The following ANKS1B variants were observed in gnomAD, a reference collection of about 807,000 sequenced individuals.
The protein encoded by ANKS1B is ankyrin repeat and sterile alpha motif domain containing 1B, also known as ankyrin repeat and sterile alpha motif domain-containing protein 1B.
A neutral mutation model predicts 148.3 loss-of-function variants in ANKS1B; 36 were observed. That is an observed-to-expected ratio of 0.24 (90% CI 0.19 to 0.32). ANKS1B has a LOEUF of 0.32. Among genes scored for constraint, ANKS1B ranks in the 10% least tolerant of loss-of-function variants. The pLI is 1.00. For synonymous variants in ANKS1B, 542 were observed against 560.8 expected (o/e 0.97, Z 0.47); for missense variants, 1,157 against 1,542.6 (o/e 0.75, Z 4.19).
At chr12:99,899,786 T>C (rs2093521300) in intron 1 of ANKS1B, among the ~76,000 whole-genome samples, 5 of 152,196 alleles carry the variant, frequency 3.3e-5, no homozygotes, top group Non-Finnish European at 5.9e-5. Context: ...AATAATGCCC[T>C]TGTTATTTAT....
At chr12:98,928,837 T>C (rs2099811210) in intron 17 of ANKS1B, among the ~76,000 whole-genome samples, 1 of 151,918 alleles carries the variant, frequency 6.6e-6, no homozygotes, top group South Asian at 2.1e-4. Context: ...ACGGCTAAAA[T>C]AATACTTAAT....
At chr12:99,323,881 C>T (rs982003296) in intron 12 of ANKS1B, among the ~76,000 whole-genome samples, 1 of 152,158 alleles carries the variant, frequency 6.6e-6, no homozygotes, top group Admixed American at 6.5e-5. Context: ...TCTCATCTTG[C>T]TTCACTTTCA....
intron 1 of ANKS1B, among the ~76,000 whole-genome samples, chr12:99,891,505 C>A (rs1030451307): frequency 6.6e-6 from 1 of 152,098 alleles, no homozygotes; most frequent in African/African-American, 2.4e-5. Flanking sequence ...CAGGTGTGAG[C>A]CACCATGCCC....
At chr12:99,004,781 CA>C (rs1379578946) in intron 17 of ANKS1B, among the ~76,000 whole-genome samples, 2 of 135,846 alleles carry the variant, frequency 1.5e-5, no homozygotes, top group Admixed American at 7.1e-5. Context: ...ACTAAATAAA[CA>C]TTTTTTTTTT....
rs1261200622 is a variant in ANKS1B at position 98,829,315 on chromosome 12, T to G, written c.2925A>C (p.Pro975=). 1 of 1,613,896 alleles carries G rather than the reference T, an allele frequency of 6.2e-7. No homozygotes were observed. The highest frequency in any genetic ancestry group is 8.5e-7 in the Non-Finnish European group (1 of 1,179,874). Residue 975 remains proline, a synonymous_variant, in exon 19 of 27, where the codon CCA becomes CCC. Transcript: ENST00000683438. The surrounding 1 kb of genome is among the most constrained non-coding windows in gnomAD (Gnocchi z 5.2). ...SGNHTPPQLS[P]SLSQSTYTTG... ...TGGTGTAAGTGCTTTGGCTAAGTGA[T>G]GGAGACAACTGAGGAGGAGTGTGAT...
At chr12:98,858,106 C>A (rs2152084776) in intron 17 of ANKS1B, among the ~76,000 whole-genome samples, 1 of 152,242 alleles carries the variant, frequency 6.6e-6, no homozygotes, top group East Asian at 1.9e-4. Context: ...ATTGTACTTT[C>A]TACCTCCTCC....
At chr12:99,117,626 GA>G (rs1233806283) in intron 15 of ANKS1B, among the ~76,000 whole-genome samples, 1 of 152,180 alleles carries the variant, frequency 6.6e-6, no homozygotes, top group African/African-American at 2.4e-5. Context: ...TTTTAGCCTC[GA>G]TATTCATCAG....
At chr12:99,678,469 A>G (rs934895222) in intron 8 of ANKS1B, among the ~76,000 whole-genome samples, 2 of 152,148 alleles carry the variant, frequency 1.3e-5, no homozygotes, top group African/African-American at 4.8e-5. Flanking sequence ...TTCTAGGCTA[A>G]CTTCTCCTAC....
chr12:99,112,212 A>C (rs1313746630), intron 15 of ANKS1B, among the ~76,000 whole-genome samples: 1 of 152,134 alleles, frequency 6.6e-6, no homozygotes, highest in African/African-American at 2.4e-5. Context: ...CATCAGAATC[A>C]CACTTTCCTC....
intron 14 of ANKS1B, among the ~76,000 whole-genome samples, chr12:99,215,591 A>G (rs1045857206): frequency 1.2e-4 from 18 of 152,336 alleles, no homozygotes; most frequent in Admixed American, 1.2e-3. Flanking sequence ...TGTGCCCTAG[A>G]TATGAGACAT....
At chr12:99,179,060 T>C (rs2078772635) in intron 14 of ANKS1B, among the ~76,000 whole-genome samples, 1 of 152,162 alleles carries the variant, frequency 6.6e-6, no homozygotes, top group African/African-American at 2.4e-5. Context: ...CTATAAACTA[T>C]AGTAATTATC....
At chr12:98,990,500 G>A (rs1431919465) in intron 17 of ANKS1B, among the ~76,000 whole-genome samples, 1 of 150,948 alleles carries the variant, frequency 6.6e-6, no homozygotes, top group African/African-American at 2.4e-5. Flanking sequence ...AGTATGGCCT[G>A]GAGAAAAGAG....
At chr12:98,982,548 C>T (rs939437849) in intron 17 of ANKS1B, among the ~76,000 whole-genome samples, 3 of 152,156 alleles carry the variant, frequency 2.0e-5, no homozygotes, top group African/African-American at 7.2e-5. Context: ...TTTTTATCAT[C>T]CTTTTGCTTT....
intron 17 of ANKS1B, among the ~76,000 whole-genome samples, chr12:99,011,681 T>C (rs576241699): frequency 7.9e-5 from 12 of 152,200 alleles, no homozygotes; most frequent in Non-Finnish European, 1.5e-5. Context: ...TTCATTTTGT[T>C]TTGCAAAATC....
chr12:98,917,883 A>G (rs1200299518), intron 17 of ANKS1B, among the ~76,000 whole-genome samples: 1 of 152,214 alleles, frequency 6.6e-6, no homozygotes, highest in Non-Finnish European at 1.5e-5. Flanking sequence ...AATTCTTTTG[A>G]GAACTCAGTC....
intron 14 of ANKS1B, among the ~76,000 whole-genome samples, chr12:99,224,864 A>G (rs1210083666): frequency 6.6e-6 from 1 of 152,186 alleles, no homozygotes; most frequent in East Asian, 1.9e-4. Flanking sequence ...TCTTTCTCAT[A>G]TGGTGAGTGG....
intron 9 of ANKS1B, among the ~76,000 whole-genome samples, chr12:99,581,885 G>A (rs796999265): frequency 1.5e-5 from 2 of 136,886 alleles, no homozygotes; most frequent in Non-Finnish European, 3.1e-5. Context: ...GCGACAGAGC[G>A]AGACTCCGTC....
In ANKS1B at chr12:98,984,737, T is replaced by C. The variant is rs57058897; in HGVS notation, c.2778+68420A>G. On this transcript the variant is annotated intron_variant, in intron 17 of 26. Transcript: ENST00000683438. Reference sequence around the variant, plus strand: ...ATTTTAATGGGTTTTCTGTGGCTCATGGTGGCTCATGCCTGTAATACCAGC... The same window carrying C: ...ATTTTAATGGGTTTTCTGTGGCTCACGGTGGCTCATGCCTGTAATACCAGC... Among the ~76,000 whole-genome samples the C allele has an allele frequency of 6.6e-4, 101 of 152,280 alleles. 2 individuals are homozygous for C. In the East Asian group the frequency reaches 0.014, roughly 21 times the overall value.
At chr12:98,909,035 G>A (rs1347619603) in intron 17 of ANKS1B, among the ~76,000 whole-genome samples, 1 of 152,154 alleles carries the variant, frequency 6.6e-6, no homozygotes, top group African/African-American at 2.4e-5. Flanking sequence ...ATCCACGTTG[G>A]CACAAGTGAA....
Sources: allele counts gnomAD v4.1 joint callset (sites outside exome capture counted in the v4.1 genomes callset), GRCh38; gene constraint gnomAD v4.1.1; non-coding constraint Gnocchi (gnomAD v3.1); transcripts MANE v1.5; gene names NCBI Gene and HGNC (gene_info 2026-07-23, HGNC 2026-07-21).